The following THSD7B variants were observed in gnomAD, a reference collection of about 807,000 sequenced individuals.
The protein encoded by THSD7B is thrombospondin type 1 domain containing 7B, also known as thrombospondin type-1 domain-containing protein 7B.
Under a neutral mutation model 213.6 loss-of-function variants are expected in THSD7B, and 138 were observed. The observed-to-expected ratio is 0.65, with a 90% CI of 0.56 to 0.74. THSD7B has a LOEUF of 0.74. THSD7B is among the 30% of genes least tolerant of loss of function. THSD7B has a pLI of 0.00. For missense variants in THSD7B, 1,931 were observed against 1,991.5 expected, an observed-to-expected ratio of 0.97 and a Z score of 0.58; for synonymous variants, 742 against 687.0, an observed-to-expected ratio of 1.08 and a Z score of -1.25.
At chr2:137,585,466 G>C (rs1014148878) in intron 17 of THSD7B, among the ~76,000 whole-genome samples, 5 of 151,944 alleles carry the variant, frequency 3.3e-5, no homozygotes, top group Non-Finnish European at 7.4e-5. Flanking sequence ...GCTTTCTCTT[G>C]TGGGCATTTA....
At chr2:137,182,887 G>C (rs913070384) in intron 7 of THSD7B, among the ~76,000 whole-genome samples, 1 of 152,180 alleles carries the variant, frequency 6.6e-6, no homozygotes, top group Admixed American at 6.5e-5. Flanking sequence ...AATTAGAATA[G>C]GACCTACATC....
chr2:136,941,751 T>A (rs1684831786), intron 2 of THSD7B, among the ~76,000 whole-genome samples: 1 of 152,228 alleles, frequency 6.6e-6, no homozygotes, highest in Admixed American at 6.5e-5. Context: ...TATTAGCCCT[T>A]TGTCAGATGG....
chr2:137,138,859 G>GTA (rs1312275553), intron 5 of THSD7B, among the ~76,000 whole-genome samples: 23,662 of 151,704 alleles, frequency 0.16, 2,015 homozygotes, highest in Middle Eastern at 0.19. Flanking sequence ...TTGTATGTAC[G>GTA]TTCTTCTTGA....
chr2:137,250,953 C>G (rs1033141528), intron 10 of THSD7B, among the ~76,000 whole-genome samples: 54 of 152,284 alleles, frequency 3.5e-4, no homozygotes, highest in Non-Finnish European at 1.5e-4. Context: ...GTCCCATGCT[C>G]TGTCTGAAAT....
At position 137,056,405 on chromosome 2, in the gene THSD7B, T is replaced by A. The variant is rs1687162962; in HGVS notation, c.140-15T>A. The stretch of plus-strand genomic sequence containing the variant: ...AATCTCTGAGTAATTAACATCCTTG[T>A]TTTTCTGCCTGTAGGTCCGTGGGGA... On this transcript the variant is annotated splice_polypyrimidine_tract_variant and intron_variant, in intron 2 of 27. Transcript: ENST00000409968. The A allele has an allele frequency of 1.3e-6, 2 of 1,592,350 alleles. No individual in the cohort carries two copies. Among genetic ancestry groups the A allele is most frequent in the Non-Finnish European group, 1.7e-6 (2 of 1,167,262 alleles).
chr2:137,077,560 A>G (rs1033453190), intron 3 of THSD7B, among the ~76,000 whole-genome samples: 1 of 151,946 alleles, frequency 6.6e-6, no homozygotes, highest in African/African-American at 2.4e-5. Flanking sequence ...TTTGATTTGC[A>G]TTTCTCTGAT....
chr2:137,171,734 T>C (rs1228500861), intron 7 of THSD7B, among the ~76,000 whole-genome samples: 6 of 152,216 alleles, frequency 3.9e-5, no homozygotes, highest in Non-Finnish European at 5.9e-5. Context: ...AAGTAATCCA[T>C]AGAACAGAAG....
intron 20 of THSD7B, among the ~76,000 whole-genome samples, chr2:137,633,360 G>T (rs1456771933): frequency 2.0e-5 from 3 of 152,066 alleles, no homozygotes; most frequent in Admixed American, 2.0e-4. Context: ...TAGGAGAAAG[G>T]TGTTAGCACA....
intron 7 of THSD7B, among the ~76,000 whole-genome samples, chr2:137,215,224 G>A (rs1052536279): frequency 1.3e-5 from 2 of 152,100 alleles, no homozygotes; most frequent in African/African-American, 4.8e-5. Flanking sequence ...CTGCACAAAT[G>A]TTTTCTTTTG....
chr2:137,652,202 A>G (rs1683152614), intron 21 of THSD7B, among the ~76,000 whole-genome samples: 1 of 151,816 alleles, frequency 6.6e-6, no homozygotes, highest in Non-Finnish European at 1.5e-5. Context: ...TCTCCCTTTA[A>G]ATCTATTAAT....
At chr2:137,586,926 A>G (rs975453583) in intron 17 of THSD7B, among the ~76,000 whole-genome samples, 7 of 152,258 alleles carry the variant, frequency 4.6e-5, no homozygotes, top group African/African-American at 1.7e-4. Flanking sequence ...TATCCTGCAG[A>G]GTGTTTTCCA....
chr2:137,563,395 G>A (rs1681163866), intron 16 of THSD7B, 41 bp downstream of exon 16: 1 of 1,605,002 alleles, frequency 6.2e-7, no homozygotes. Flanking sequence ...GGGGGAAGTG[G>A]AACTTATACA....
At chr2:137,206,648 G>A (rs1680990359) in intron 7 of THSD7B, among the ~76,000 whole-genome samples, 1 of 152,042 alleles carries the variant, frequency 6.6e-6, no homozygotes, top group Admixed American at 6.6e-5. Context: ...GGTGGGAATA[G>A]AGAAAGACCA....
intron 2 of THSD7B, among the ~76,000 whole-genome samples, chr2:137,026,471 T>G (rs1305405088): frequency 6.6e-6 from 1 of 152,188 alleles, no homozygotes; most frequent in Non-Finnish European, 1.5e-5. Flanking sequence ...AGGATTACCT[T>G]AAAAATTTGA....
chr2:136,893,865 A>T (rs1171416711), intron 2 of THSD7B, among the ~76,000 whole-genome samples: 1 of 152,228 alleles, frequency 6.6e-6, no homozygotes, highest in African/African-American at 2.4e-5. Context: ...CATACTTATT[A>T]CCTTATTCTA....
chr2:136,936,215 G>T (rs1019879595), intron 2 of THSD7B, among the ~76,000 whole-genome samples: 4 of 152,036 alleles, frequency 2.6e-5, no homozygotes, highest in African/African-American at 9.7e-5. Context: ...TTTCTACATT[G>T]CTGGTGGGAA....
At chr2:136,838,999 C>T (rs1353349844) in intron 1 of THSD7B, among the ~76,000 whole-genome samples, 1 of 152,148 alleles carries the variant, frequency 6.6e-6, no homozygotes, top group Non-Finnish European at 1.5e-5. Context: ...CTTCACCATG[C>T]TGGACATTTA....
chr2:137,392,069 A>G (rs892627133), intron 12 of THSD7B, among the ~76,000 whole-genome samples: 2 of 152,122 alleles, frequency 1.3e-5, no homozygotes, highest in Non-Finnish European at 2.9e-5. Context: ...TCCTCTTGTT[A>G]CCACCCCTTT....
intron 15 of THSD7B, among the ~76,000 whole-genome samples, chr2:137,470,910 C>CTTTTTTTTTTTTTTTTTT (rs70978226): frequency 1.0e-4 from 12 of 119,810 alleles, no homozygotes; most frequent in Non-Finnish European, 1.9e-4. Flanking sequence ...TTTTTCTTTA[C>CTTTTTTTTTTTTTTTTTT]TTTTTTTTTT....
Sources: allele counts gnomAD v4.1 joint callset (sites outside exome capture counted in the v4.1 genomes callset), GRCh38; gene constraint gnomAD v4.1.1; transcripts MANE v1.5; gene names NCBI Gene and HGNC (gene_info 2026-07-23, HGNC 2026-07-21).